The following KIF4A variants were observed in gnomAD, a reference collection of about 807,000 sequenced individuals.
KIF4A encodes the protein kinesin family member 4A.
In KIF4A, 7 loss-of-function variants were observed where a neutral mutation model predicts 105.9. The ratio of observed to expected loss-of-function variants is 0.07; its 90% CI spans 0.04 to 0.12. The LOEUF (loss-of-function observed/expected upper bound fraction) is 0.12, where lower values mean the gene tolerates loss of function less well. Ranked by LOEUF, KIF4A falls within the 10% of genes least tolerant of loss-of-function variation. The pLI is 1.00. For missense variants in KIF4A, 558 were observed against 929.2 expected, an observed-to-expected ratio of 0.60 and a Z score of 5.19; for synonymous variants, 281 against 331.3, an observed-to-expected ratio of 0.85 and a Z score of 1.65.
chrX:70,419,662 A>G lies in KIF4A; in HGVS notation c.3374A>G (p.Asp1125Gly). Reference protein sequence around the residue: ...TKCRNRQQGKDSLGTVERTQD... With the variant: ...TKCRNRQQGKGSLGTVERTQD... ...TATGCCTGTCTGCTTGATTTTCAGG[A>G]TAGCTTGGGCACTGTTGAACGGACC... is the stretch of plus-strand genomic sequence containing the variant. The change falls in exon 30 of 31, where the codon GAT becomes GGT. Residue 1125 changes from aspartate (D) to glycine (G), a missense_variant and splice_region_variant. Asp to Gly is a moderately conservative substitution (Grantham distance 94, BLOSUM62 -1). Coordinates refer to ENST00000374403, the MANE Select transcript of KIF4A (RefSeq NM_012310.5). The G allele has an allele frequency of 8.3e-7, 1 of 1,209,614 alleles. No homozygotes were observed. Among genetic ancestry groups the G allele is most frequent in the Non-Finnish European group, 1.1e-6 (1 of 895,240 alleles).
chrX:70,338,389 T>A (rs1188829629), intron 10 of KIF4A, among the ~76,000 whole-genome samples: 1 of 112,461 alleles, frequency 8.9e-6, no homozygotes, highest in East Asian at 2.8e-4. Context: ...AGACATTTCG[T>A]ATACATGGAA....
chrX:70,402,395 C>G (rs770092084), intron 22 of KIF4A, among the ~76,000 whole-genome samples, 171 bp from the exon 23 acceptor site: 14 of 112,541 alleles, frequency 1.2e-4, no homozygotes, highest in African/African-American at 4.5e-4. Flanking sequence ...CCCTTTGTTA[C>G]AAGATTTGCG....
At chrX:70,321,980 C>A (rs1358880484) in intron 7 of KIF4A, among the ~76,000 whole-genome samples, 1 of 110,557 alleles carries the variant, frequency 9.0e-6, no homozygotes, top group Non-Finnish European at 1.9e-5. Flanking sequence ...AAGACTCTTT[C>A]ACAGGCTTCT....
At chrX:70,311,782 G>A (rs1045468183) in intron 7 of KIF4A, among the ~76,000 whole-genome samples, 1 of 108,940 alleles carries the variant, frequency 9.2e-6, no homozygotes, top group Non-Finnish European at 1.9e-5. Context: ...GCAACATAGC[G>A]AGACCCCACC....
At chrX:70,381,229 A>G (rs1602790984) in intron 18 of KIF4A, among the ~76,000 whole-genome samples, 1 of 112,034 alleles carries the variant, frequency 8.9e-6, no homozygotes, top group South Asian at 3.8e-4. Context: ...TAACAATTTG[A>G]CAATGAGATT....
intron 13 of KIF4A, among the ~76,000 whole-genome samples, chrX:70,349,907 A>G (rs1210443313): frequency 4.9e-4 from 24 of 49,483 alleles, no homozygotes; most frequent in South Asian, 1.5e-3. Context: ...CCGGGCAGAG[A>G]CGCTCCTCAC....
At chrX:70,397,714 C>A (rs1467802711) in intron 22 of KIF4A, among the ~76,000 whole-genome samples, 2 of 111,840 alleles carry the variant, frequency 1.8e-5, no homozygotes, top group East Asian at 2.8e-4. Flanking sequence ...GATAATAGAA[C>A]CTTGGGATCA....
intron 13 of KIF4A, among the ~76,000 whole-genome samples, chrX:70,351,461 A>G: frequency 8.9e-6 from 1 of 112,232 alleles, no homozygotes; most frequent in Non-Finnish European, 1.9e-5. Flanking sequence ...AGTTGCTGCA[A>G]GAGACATGAT....
intron 15 of KIF4A, among the ~76,000 whole-genome samples, chrX:70,366,185 T>G (rs1485576537): frequency 9.0e-6 from 1 of 111,634 alleles, no homozygotes; most frequent in Non-Finnish European, 1.9e-5. Flanking sequence ...TTTGTTGATC[T>G]TTTCAAAAAA....
intron 18 of KIF4A, among the ~76,000 whole-genome samples, chrX:70,386,294 A>G (rs1392352021): frequency 1.8e-5 from 2 of 111,153 alleles, no homozygotes; most frequent in Non-Finnish European, 3.8e-5. Flanking sequence ...ATAACTACCT[A>G]TGTGGAAAGG....
At chrX:70,387,362 CT>C (rs372291027) in intron 20 of KIF4A, 65 bp downstream of exon 20, 14,169 of 594,453 alleles carry the variant, frequency 0.024, 4 homozygotes, top group East Asian at 0.043. Flanking sequence ...GGAGAAATAG[CT>C]TTTTTTTTTT....
In KIF4A at chrX:70,420,285, A is replaced by AC. The variant is rs1569256480; in HGVS notation, c.*25dup. On this transcript the variant is annotated 3_prime_UTR_variant, in exon 31 of 31. Coordinates refer to ENST00000374403, the MANE Select transcript of KIF4A (RefSeq NM_012310.5). ...CACTGAAGTTGGAGTCATCATCTCT[A>AC]CCCCCAGTCTGGCTTGGGAGATGCT... is the stretch of plus-strand genomic sequence containing the variant. 8.4e-7 allele frequency: 1 copy of AC among 1,183,718 alleles called. No individual in the cohort carries two copies. The highest frequency in any genetic ancestry group is 1.9e-5 in the South Asian group (1 of 51,497).
intron 18 of KIF4A, among the ~76,000 whole-genome samples, chrX:70,380,816 TG>T (rs1379201822): frequency 7.1e-5 from 8 of 112,389 alleles, no homozygotes; most frequent in African/African-American, 2.6e-4. Flanking sequence ...AATTAATATA[TG>T]AGTTCACCAA....
intron 22 of KIF4A, among the ~76,000 whole-genome samples, chrX:70,400,480 G>C (rs186347930): frequency 9.0e-6 from 1 of 111,461 alleles, no homozygotes; most frequent in Non-Finnish European, 1.9e-5. Context: ...TTGAGTTTTA[G>C]TGTAGTCTCA....
chrX:70,339,793 T>G (rs1183506349), intron 10 of KIF4A, among the ~76,000 whole-genome samples: 2 of 112,352 alleles, frequency 1.8e-5, no homozygotes, highest in Non-Finnish European at 3.8e-5. Context: ...ATGCTCAGTT[T>G]ACTTGAATTC....
Position 70,349,016 on chromosome X carries a change from C to T in KIF4A, c.1432-3584C>T, listed in dbSNP as rs766760720. On this transcript the variant is annotated intron_variant, in intron 13 of 30. Transcript: ENST00000374403. Reference sequence around the variant, plus strand: ...CTCCTCACCTCCCAGACGGGGCGGCCGGGCAGAGACGCTCCTCACCTCCCA... The same window carrying T: ...CTCCTCACCTCCCAGACGGGGCGGCTGGGCAGAGACGCTCCTCACCTCCCA... 7.2e-3 allele frequency among the ~76,000 whole-genome samples: 693 copies of T among 95,598 alleles called. 6 individuals carry two copies. Among genetic ancestry groups the T allele is most frequent in the African/African-American group, 0.026 (651 of 25,172 alleles). 83.0% of individuals were successfully genotyped at this position (95,598 alleles called of 115,157 possible).
intron 7 of KIF4A, among the ~76,000 whole-genome samples, chrX:70,321,886 G>C (rs1318508719): frequency 1.8e-5 from 2 of 110,771 alleles, no homozygotes; most frequent in Non-Finnish European, 3.8e-5. Flanking sequence ...CTGCAGGTCT[G>C]ACATCCTGCC....
intron 15 of KIF4A, among the ~76,000 whole-genome samples, chrX:70,363,646 G>A (rs2086087414): frequency 8.9e-6 from 1 of 111,936 alleles, no homozygotes; most frequent in East Asian, 2.8e-4. Context: ...TATCATTGTT[G>A]GACATTTGGG....
intron 18 of KIF4A, among the ~76,000 whole-genome samples, chrX:70,383,791 C>G (rs750293819): frequency 1.8e-5 from 2 of 112,187 alleles, no homozygotes; most frequent in South Asian, 7.3e-4. Flanking sequence ...TCACAAAAGA[C>G]CATGTATGAT....
Sources: gnomAD v4.1 joint callset for allele counts (sites outside exome capture counted in the v4.1 genomes callset) on GRCh38, gnomAD v4.1.1 for gene constraint, MANE v1.5 for transcripts, NCBI Gene and HGNC (gene_info 2026-07-23, HGNC 2026-07-21) for gene names.